The following EPHA5 variants were observed in gnomAD, a reference collection of about 807,000 sequenced individuals.
The protein encoded by EPHA5 is ephrin type-A receptor 5.
EPHA5 carries 60 observed loss-of-function variants against 105.0 expected under a neutral mutation model. The ratio of observed to expected loss-of-function variants is 0.57; its 90% CI spans 0.46 to 0.71. The LOEUF (loss-of-function observed/expected upper bound fraction) is 0.71, where lower values mean the gene tolerates loss of function less well. Among genes scored for constraint, EPHA5 ranks in the 30% least tolerant of loss-of-function variants. The pLI is 0.00. For synonymous variants in EPHA5, 513 were observed against 449.1 expected, an observed-to-expected ratio of 1.14 and a Z score of -1.80; for missense variants, 1,218 against 1,274.7, an observed-to-expected ratio of 0.96 and a Z score of 0.68.
At chr4:65,612,343 G>T (rs1744857805) in intron 2 of EPHA5, among the ~76,000 whole-genome samples, 1 of 151,864 alleles carries the variant, frequency 6.6e-6, no homozygotes, top group African/African-American at 2.4e-5. Flanking sequence ...TCACCTTGCC[G>T]AGTTTCCAAA....
At chr4:65,413,393 T>A (rs1036095557) in intron 7 of EPHA5, among the ~76,000 whole-genome samples, 6 of 152,148 alleles carry the variant, frequency 3.9e-5, no homozygotes, top group African/African-American at 1.4e-4. Context: ...AAAGAAGATC[T>A]TGATTTTCAA....
chr4:65,501,627 A>T (rs1011586930), intron 3 of EPHA5, among the ~76,000 whole-genome samples: 2 of 151,846 alleles, frequency 1.3e-5, no homozygotes, highest in African/African-American at 2.4e-5. Flanking sequence ...ATGGAAAAAC[A>T]TTCCATACTT....
At chr4:65,378,456 C>A (rs921135951) in intron 8 of EPHA5, among the ~76,000 whole-genome samples, 3 of 151,936 alleles carry the variant, frequency 2.0e-5, no homozygotes, top group Non-Finnish European at 2.9e-5. Flanking sequence ...ATGTCTCCAA[C>A]AATTACTAAA....
rs149339723 is a variant in EPHA5, at chr4:65,468,951, G to C, written c.1402+21426C>G. Among the ~76,000 whole-genome samples the C allele has an allele frequency of 5.7e-4, 87 of 152,072 alleles. 1 individual carries two copies. In the East Asian group the frequency reaches 0.016, roughly 28 times the overall value. On this transcript the variant is annotated intron_variant, in intron 5 of 16. Transcript: ENST00000613740. Reference sequence around the variant, plus strand: ...TCTGGGGCCCTGTGGAGTTCCATGGGGAAGTCTGTGGGGAAGGAGCCAGCT... The same window carrying C: ...TCTGGGGCCCTGTGGAGTTCCATGGCGAAGTCTGTGGGGAAGGAGCCAGCT...
At chr4:65,473,074 T>C (rs916579360) in intron 5 of EPHA5, among the ~76,000 whole-genome samples, 1 of 152,210 alleles carries the variant, frequency 6.6e-6, no homozygotes, top group African/African-American at 2.4e-5. Flanking sequence ...CCAATCTCTT[T>C]GCTAAAGCAT....
chr4:65,492,500 C>A (rs1353376843), intron 4 of EPHA5, among the ~76,000 whole-genome samples: 2 of 136,354 alleles, frequency 1.5e-5, no homozygotes, highest in African/African-American at 5.6e-5. Context: ...CCGCGCCAAG[C>A]CAAAAGAACC....
At chr4:65,333,268 C>T (rs1720817102) in intron 15 of EPHA5, among the ~76,000 whole-genome samples, 1 of 151,644 alleles carries the variant, frequency 6.6e-6, no homozygotes, top group African/African-American at 2.4e-5. Flanking sequence ...ATACCTTTCT[C>T]TCTACTCAGG....
chr4:65,500,052 A>G (rs1314238464), intron 3 of EPHA5, among the ~76,000 whole-genome samples: 2 of 151,402 alleles, frequency 1.3e-5, no homozygotes, highest in Non-Finnish European at 3.0e-5. Context: ...AATAATGAAC[A>G]AACAATGATA....
intron 3 of EPHA5, among the ~76,000 whole-genome samples, chr4:65,506,226 C>T (rs901843027): frequency 3.3e-4 from 50 of 152,202 alleles, no homozygotes; most frequent in African/African-American, 1.0e-3. Flanking sequence ...ATATGTGCCA[C>T]ATTTTCTTAA....
chr4:65,670,418 G>T lies in EPHA5; in HGVS notation c.-676C>A, dbSNP rs866764329. The T allele has an allele frequency of 3.0e-5, 7 of 233,570 alleles. No individual in the cohort carries two copies. In the Middle Eastern group the frequency reaches 3.8e-3, roughly 126 times the overall value. 14.5% of individuals were successfully genotyped at this position (233,570 alleles called of 1,614,324 possible). A position where few individuals can be genotyped will look rare whatever the true frequency, so the allele number is the denominator to read the frequency against. Reference sequence around the variant, plus strand: ...GGAGCTGCTGCGGTTCCCGCTGCTCGGGGAGCAGGCGGTGTGTGCGCGGCT... The same window carrying T: ...GGAGCTGCTGCGGTTCCCGCTGCTCTGGGAGCAGGCGGTGTGTGCGCGGCT... On this transcript the variant is annotated 5_prime_UTR_variant, in exon 1 of 17. Coordinates refer to ENST00000613740, the MANE Select transcript of EPHA5 (RefSeq NM_001281766.3).
chr4:65,585,967 A>G (rs1742081907), intron 3 of EPHA5, among the ~76,000 whole-genome samples: 1 of 151,608 alleles, frequency 6.6e-6, no homozygotes, highest in Admixed American at 6.6e-5. Context: ...AAAAGTTATC[A>G]TTTCTGGAAT....
intron 3 of EPHA5, among the ~76,000 whole-genome samples, chr4:65,579,632 T>C (rs968180002): frequency 2.6e-5 from 4 of 151,828 alleles, no homozygotes; most frequent in African/African-American, 9.7e-5. Context: ...TAAAATAATC[T>C]TCAGATTTGT....
chr4:65,431,601 T>TGG (rs1724984201), intron 5 of EPHA5, among the ~76,000 whole-genome samples: 1 of 152,086 alleles, frequency 6.6e-6, no homozygotes, highest in Non-Finnish European at 1.5e-5. Context: ...CCTCCCTCCT[T>TGG]TCCTTTTTTC....
chr4:65,327,053 G>T (rs1470735), intron 16 of EPHA5, among the ~76,000 whole-genome samples: 140,241 of 151,080 alleles, frequency 0.93, 65,804 homozygotes, highest in Non-Finnish European at 1. Context: ...TTATATTAGA[G>T]AAAAATATAA....
chr4:65,328,202 G>A (rs1720264322), intron 16 of EPHA5, among the ~76,000 whole-genome samples: 1 of 150,968 alleles, frequency 6.6e-6, no homozygotes, highest in African/African-American at 2.4e-5. Context: ...AACATGACGA[G>A]ACTAGCATTG....
intron 3 of EPHA5, among the ~76,000 whole-genome samples, chr4:65,587,773 C>A (rs1395506667): frequency 1.3e-5 from 2 of 152,100 alleles, no homozygotes; most frequent in Non-Finnish European, 2.9e-5. Context: ...CTTCCCGCTA[C>A]TACATTTTCT....
intron 8 of EPHA5, among the ~76,000 whole-genome samples, chr4:65,403,542 G>A (rs1033383258): frequency 1.3e-5 from 2 of 151,828 alleles, no homozygotes; most frequent in Non-Finnish European, 2.9e-5. Flanking sequence ...TTAAAAATAC[G>A]TGAAACTATG....
At position 65,328,648 on chromosome 4, in the gene EPHA5, ATT is replaced by A. The variant is rs5858947; in HGVS notation, c.2945+3323_2945+3324del. Reference sequence around the variant, plus strand: ...TTTATCATGCAGTTGTATGTTTGTCATTTTTTTTTTTGTTAACTTTGCAGAAC... The same window carrying A: ...TTTATCATGCAGTTGTATGTTTGTCATTTTTTTTTGTTAACTTTGCAGAAC... On this transcript the variant is annotated intron_variant, in intron 16 of 16. Coordinates refer to ENST00000613740, the MANE Select transcript of EPHA5 (RefSeq NM_001281766.3). Among the ~76,000 whole-genome samples, 128 of 148,980 alleles carry A rather than the reference ATT, an allele frequency of 8.6e-4. No homozygotes were observed. The East Asian group carries it at 0.013, about 15-fold the overall frequency.
chr4:65,580,527 G>T (rs140106501), intron 3 of EPHA5, among the ~76,000 whole-genome samples: 4 of 151,938 alleles, frequency 2.6e-5, no homozygotes, highest in African/African-American at 9.6e-5. Context: ...TTCAAGGGTG[G>T]TAGAATATTT....
Sources: allele counts gnomAD v4.1 joint callset (sites outside exome capture counted in the v4.1 genomes callset), GRCh38; gene constraint gnomAD v4.1.1; transcripts MANE v1.5; gene names NCBI Gene and HGNC (gene_info 2026-07-23, HGNC 2026-07-21).